The following SGCZ variants were observed in gnomAD, a reference collection of about 807,000 sequenced individuals.
SGCZ encodes the protein zeta-sarcoglycan.
A neutral mutation model predicts 41.3 loss-of-function variants in SGCZ; 40 were observed. The ratio of observed to expected loss-of-function variants is 0.97; its 90% CI spans 0.75 to 1.26. The LOEUF (loss-of-function observed/expected upper bound fraction) is 1.26, where lower values mean the gene tolerates loss of function less well. Among genes scored for constraint, SGCZ ranks in the 50% most tolerant of loss-of-function variants. The pLI is 0.00. For missense variants in SGCZ, 552 were observed against 369.8 expected (o/e 1.49, Z -4.04); for synonymous variants, 206 against 137.5 (o/e 1.50, Z -3.49).
chr8:14,606,650 C>T (rs1805759289), intron 1 of SGCZ, among the ~76,000 whole-genome samples: 1 of 152,120 alleles, frequency 6.6e-6, no homozygotes, highest in African/African-American at 2.4e-5. Context: ...TACTGTTTTC[C>T]CTTACTAGAC....
chr8:14,417,783 T>C (rs1050528840), intron 2 of SGCZ, among the ~76,000 whole-genome samples: 1 of 125,768 alleles, frequency 8.0e-6, no homozygotes, highest in Non-Finnish European at 1.8e-5. Context: ...AATTTGATTA[T>C]GGTAATCATT....
At chr8:14,642,027 C>T (rs1387295701) in intron 1 of SGCZ, among the ~76,000 whole-genome samples, 1 of 151,580 alleles carries the variant, frequency 6.6e-6, no homozygotes, top group Non-Finnish European at 1.5e-5. Flanking sequence ...TATCTTACTG[C>T]TTTACAAAAA....
chr8:14,917,192 A>G (rs1463951593), intron 1 of SGCZ, among the ~76,000 whole-genome samples: 1 of 152,090 alleles, frequency 6.6e-6, no homozygotes, highest in East Asian at 1.9e-4. Context: ...CTTTATAGGG[A>G]AAAGGAGGCT....
chr8:14,102,096 A>T (rs1253661515), intron 7 of SGCZ, among the ~76,000 whole-genome samples: 1,432 of 107,244 alleles, frequency 0.013, 13 homozygotes, highest in Non-Finnish European at 0.017. Context: ...ATATATATAT[A>T]TATATATAAT....
At chr8:14,591,034 T>C (rs1417998777) in intron 1 of SGCZ, among the ~76,000 whole-genome samples, 1 of 150,972 alleles carries the variant, frequency 6.6e-6, no homozygotes, top group Non-Finnish European at 1.5e-5. Flanking sequence ...CAGGCAAAAA[T>C]GAGATTCCAA....
At chr8:15,054,053 T>C (rs1271829824) in intron 1 of SGCZ, among the ~76,000 whole-genome samples, 1 of 152,228 alleles carries the variant, frequency 6.6e-6, no homozygotes, top group South Asian at 2.1e-4. Flanking sequence ...TAAAGGGATG[T>C]AGCAAAGCTT....
At chr8:15,200,482 G>A (rs967825284) in intron 1 of SGCZ, among the ~76,000 whole-genome samples, 1 of 152,136 alleles carries the variant, frequency 6.6e-6, no homozygotes, top group African/African-American at 2.4e-5. Context: ...GGAGATATCT[G>A]GAGCTCCCTT....
intron 4 of SGCZ, among the ~76,000 whole-genome samples, chr8:14,184,352 T>C (rs1804832166): frequency 1.3e-5 from 2 of 152,264 alleles, no homozygotes; most frequent in Admixed American, 6.5e-5. Context: ...CCAAGAAGCA[T>C]TAATTTATCT....
intron 1 of SGCZ, among the ~76,000 whole-genome samples, chr8:14,663,866 T>C (rs1807828625): frequency 6.6e-6 from 1 of 152,084 alleles, no homozygotes; most frequent in East Asian, 1.9e-4. Context: ...ACCCATTCTA[T>C]CCCCATCCCT....
At chr8:15,219,610 T>C (rs1267316101) in intron 1 of SGCZ, among the ~76,000 whole-genome samples, 1 of 152,218 alleles carries the variant, frequency 6.6e-6, no homozygotes, top group Non-Finnish European at 1.5e-5. Flanking sequence ...TATTATTCAA[T>C]AGCAGAAGTG....
In SGCZ at chr8:14,602,074, T is replaced by G. The variant is rs763822205; in HGVS notation, c.40-47148A>C. 2.0e-5 allele frequency among the ~76,000 whole-genome samples: 3 copies of G among 151,924 alleles called. No homozygotes were observed. In the South Asian group the frequency reaches 6.2e-4, roughly 32 times the overall value. On this transcript the variant is annotated intron_variant, in intron 1 of 7. Transcript: ENST00000382080. ...GGCGGAGCTTGCAGTGAGCCGAGAT[T>G]GCGCCACTGCACTCCAGCCTGGGCG...
At chr8:14,218,282 G>T (rs2117113886) in intron 4 of SGCZ, among the ~76,000 whole-genome samples, 1 of 152,246 alleles carries the variant, frequency 6.6e-6, no homozygotes, top group African/African-American at 2.4e-5. Flanking sequence ...GCATTTTCCT[G>T]TATTAGCAAC....
chr8:14,983,257 C>T (rs958023222), intron 1 of SGCZ, among the ~76,000 whole-genome samples: 1 of 151,362 alleles, frequency 6.6e-6, no homozygotes, highest in African/African-American at 2.4e-5. Context: ...GTAATCATAG[C>T]TCACTGCAGC....
At chr8:14,103,913 A>C (rs941641662) in intron 6 of SGCZ, among the ~76,000 whole-genome samples, 3 of 152,066 alleles carry the variant, frequency 2.0e-5, no homozygotes, top group African/African-American at 7.2e-5. Context: ...TTTGAATGTT[A>C]AAATGTATTT....
chr8:15,095,702 C>A (rs1427904504), intron 1 of SGCZ, among the ~76,000 whole-genome samples: 1 of 152,132 alleles, frequency 6.6e-6, no homozygotes, highest in Non-Finnish European at 1.5e-5. Flanking sequence ...ACCCCCACAC[C>A]TGAAGGGACC....
Position 15,189,567 on chromosome 8 carries a change from A to ATT in SGCZ, c.39+48016_39+48017dup, listed in dbSNP as rs34139151. On this transcript the variant is annotated intron_variant, in intron 1 of 7. Coordinates refer to ENST00000382080, the MANE Select transcript of SGCZ (RefSeq NM_139167.4). ...AAATACTTCATGAGGACCTTGAAGCATTTTTTTTTTTGAGATAGAGTCTTG... is the reference window on the plus strand; with the variant it reads ...AAATACTTCATGAGGACCTTGAAGCATTTTTTTTTTTTTGAGATAGAGTCTTG... 2.1e-3 allele frequency among the ~76,000 whole-genome samples: 311 copies of ATT among 149,074 alleles called. 3 individuals are homozygous for ATT. The highest frequency in any genetic ancestry group is 0.017 in the South Asian group (79 of 4,722).
intron 1 of SGCZ, among the ~76,000 whole-genome samples, chr8:15,034,983 G>T (rs1383410033): frequency 6.6e-6 from 1 of 152,066 alleles, no homozygotes; most frequent in Non-Finnish European, 1.5e-5. Context: ...TGAAACAAAG[G>T]AGTATAATTA....
chr8:14,220,426 G>A (rs1314558218), intron 4 of SGCZ, among the ~76,000 whole-genome samples: 1 of 152,184 alleles, frequency 6.6e-6, no homozygotes, highest in East Asian at 1.9e-4. Context: ...GTAACTGAGA[G>A]AAAGCAGATG....
intron 2 of SGCZ, among the ~76,000 whole-genome samples, chr8:14,545,608 T>C (rs1803602073): frequency 1.3e-5 from 2 of 152,178 alleles, no homozygotes; most frequent in African/African-American, 4.8e-5. Context: ...TAAAGTTCAA[T>C]GTGTTTAATC....
Sources: gnomAD v4.1 joint callset for allele counts (sites outside exome capture counted in the v4.1 genomes callset) on GRCh38, gnomAD v4.1.1 for gene constraint, MANE v1.5 for transcripts, NCBI Gene and HGNC (gene_info 2026-07-23, HGNC 2026-07-21) for gene names.